The following SMOC2 variants were observed in gnomAD, a reference collection of about 807,000 sequenced individuals.
SMOC2 encodes SPARC-related modular calcium-binding protein 2.
A neutral mutation model predicts 61.4 loss-of-function variants in SMOC2; 39 were observed. That is an observed-to-expected ratio of 0.64 (90% CI 0.49 to 0.83). SMOC2 has a LOEUF of 0.83. Ranked by LOEUF, SMOC2 falls within the 40% of genes least tolerant of loss-of-function variation. The pLI, the probability that SMOC2 is intolerant of heterozygous loss-of-function variation, is 0.00. For missense variants in SMOC2, 556 were observed against 592.9 expected (o/e 0.94, Z 0.65); for synonymous variants, 247 against 239.9 (o/e 1.03, Z -0.27).
At chr6:168,603,723 AAC>A (rs199648573) in intron 8 of SMOC2, among the ~76,000 whole-genome samples, 54,069 of 147,042 alleles carry the variant, frequency 0.37, 10,159 homozygotes, top group Middle Eastern at 0.46. Context: ...AAAAAAAAAA[AAC>A]CAGTAATCCA....
chr6:168,462,405 C>A lies in SMOC2; in HGVS notation c.84+20951C>A, dbSNP rs546735321. Among the ~76,000 whole-genome samples, 184 of 152,170 alleles carry A rather than the reference C, an allele frequency of 1.2e-3. 1 individual carries two copies. The highest frequency in any genetic ancestry group is 2.4e-3 in the Non-Finnish European group (163 of 68,038). Reference sequence around the variant, plus strand: ...TGTTGAATTATCGTTTCCCGGCATCCTGCTGGGGCTCGGCCTCCCTATCTT... The same window carrying A: ...TGTTGAATTATCGTTTCCCGGCATCATGCTGGGGCTCGGCCTCCCTATCTT... On this transcript the variant is annotated intron_variant, in intron 1 of 12. Transcript: ENST00000356284.
Position 168,460,739 on chromosome 6 carries a change from A to G in SMOC2, c.84+19285A>G, listed in dbSNP as rs189388408. ...TGAAGTTGATCATGATCTCTGTATCAACCCTCAAAGTATCTTACATCCATT... is the reference window on the plus strand; with the variant it reads ...TGAAGTTGATCATGATCTCTGTATCGACCCTCAAAGTATCTTACATCCATT... On this transcript the variant is annotated intron_variant, in intron 1 of 12. Coordinates refer to ENST00000356284, the MANE Select transcript of SMOC2 (RefSeq NM_001166412.2). Among the ~76,000 whole-genome samples the G allele has an allele frequency of 3.5e-4, 54 of 152,372 alleles. No individual in the cohort carries two copies. The East Asian group carries it at 9.4e-3, about 27-fold the overall frequency.
At chr6:168,466,918 G>T (rs1262659063) in intron 1 of SMOC2, among the ~76,000 whole-genome samples, 1 of 152,210 alleles carries the variant, frequency 6.6e-6, no homozygotes, top group Admixed American at 6.5e-5. Context: ...AAAGGGAGCT[G>T]TGTCTTCCGT....
At chr6:168,564,773 C>T (rs1232562262) in intron 7 of SMOC2, among the ~76,000 whole-genome samples, 1 of 152,226 alleles carries the variant, frequency 6.6e-6, no homozygotes, top group Non-Finnish European at 1.5e-5. Flanking sequence ...TGATGACGGG[C>T]AGCCGCTGCC....
At chr6:168,634,140 T>A (rs1786650355) in intron 9 of SMOC2, among the ~76,000 whole-genome samples, 1 of 152,234 alleles carries the variant, frequency 6.6e-6, no homozygotes, top group South Asian at 2.1e-4. Flanking sequence ...GGGGATGTCT[T>A]TATTTAGCAG....
chr6:168,513,187 T>C (rs901344272), intron 2 of SMOC2, among the ~76,000 whole-genome samples: 8 of 152,180 alleles, frequency 5.3e-5, no homozygotes, highest in African/African-American at 1.2e-4. Flanking sequence ...GTAGGGAAAA[T>C]AGAATATACC....
chr6:168,543,782 C>T (rs541860880), intron 5 of SMOC2, 110 bp downstream of exon 5: 1,046 of 1,007,392 alleles, frequency 1.0e-3, no homozygotes, highest in Non-Finnish European at 1.4e-3. Context: ...TGATGAGAGC[C>T]GAACCAGTTT....
At chr6:168,562,538 G>A (rs1784445101) in intron 7 of SMOC2, among the ~76,000 whole-genome samples, 6 of 151,898 alleles carry the variant, frequency 4.0e-5, no homozygotes, top group Non-Finnish European at 8.8e-5. Flanking sequence ...CTCACTTTGG[G>A]GGTGAGGAGG....
intron 1 of SMOC2, among the ~76,000 whole-genome samples, chr6:168,504,008 G>T (rs934981599): frequency 1.3e-5 from 2 of 152,088 alleles, no homozygotes; most frequent in African/African-American, 4.8e-5. Flanking sequence ...AGTGATGCCA[G>T]CACATTGATT....
chr6:168,486,380 A>T (rs1046863386), intron 1 of SMOC2, among the ~76,000 whole-genome samples: 2 of 151,988 alleles, frequency 1.3e-5, no homozygotes, highest in Non-Finnish European at 2.9e-5. Flanking sequence ...GAAGCTTTGC[A>T]CTCCAACATT....
At chr6:168,581,684 C>T (rs55980076) in intron 7 of SMOC2, among the ~76,000 whole-genome samples, 46,788 of 152,152 alleles carry the variant, frequency 0.31, 7,646 homozygotes, top group Middle Eastern at 0.48. Context: ...ATGTCGGATG[C>T]ACCTGTAGAC....
At chr6:168,495,716 G>T (rs1030426860) in intron 1 of SMOC2, among the ~76,000 whole-genome samples, 1 of 152,080 alleles carries the variant, frequency 6.6e-6, no homozygotes. Flanking sequence ...GGCGTGACCC[G>T]GGTCACAGGG....
intron 1 of SMOC2, among the ~76,000 whole-genome samples, chr6:168,493,244 T>C (rs778261122): frequency 2.4e-4 from 37 of 152,154 alleles, no homozygotes; most frequent in Admixed American, 8.5e-4. Context: ...ACCATATTGG[T>C]CAGGCTGGTC....
intron 9 of SMOC2, among the ~76,000 whole-genome samples, chr6:168,614,605 G>A (rs879022564): frequency 0.03 from 1,798 of 59,514 alleles, no homozygotes; most frequent in Middle Eastern, 0.074. Context: ...AGCACAGGGG[G>A]CCTCTTCACA....
At chr6:168,664,186 A>C in intron 12 of SMOC2, 75 bp downstream of exon 12, 2 of 1,187,480 alleles carry the variant, frequency 1.7e-6, no homozygotes, top group Non-Finnish European at 2.5e-6. Flanking sequence ...AGTTATGTAG[A>C]TTTGCAATGG....
intron 7 of SMOC2, among the ~76,000 whole-genome samples, chr6:168,592,001 A>C (rs150368288): frequency 5.9e-4 from 90 of 152,288 alleles, no homozygotes; most frequent in African/African-American, 2.1e-3. Flanking sequence ...AACATAACTT[A>C]TAGTAATATG....
chr6:168,640,075 G>A (rs773308871), intron 9 of SMOC2, among the ~76,000 whole-genome samples: 1 of 152,186 alleles, frequency 6.6e-6, no homozygotes, highest in Non-Finnish European at 1.5e-5. Flanking sequence ...AAGCCTCTGG[G>A]CGACTCACTG....
chr6:168,515,996 A>T (rs1183620722), intron 2 of SMOC2, among the ~76,000 whole-genome samples: 1 of 152,188 alleles, frequency 6.6e-6, no homozygotes, highest in Non-Finnish European at 1.5e-5. Flanking sequence ...GGCGCTGGCT[A>T]GTGTAGCACA....
In SMOC2 at chr6:168,640,463, C is replaced by T. The variant is rs370018770; in HGVS notation, c.908-10218C>T. Among the ~76,000 whole-genome samples, 23 of 152,294 alleles carry T rather than the reference C, an allele frequency of 1.5e-4. No homozygotes were observed. In the East Asian group the frequency reaches 4.4e-3, roughly 29 times the overall value. ...AACCCCAGAGCTCACACTAGACTAACCCCTCTGCAGTGGTAGCGTTGCTGA... is the reference window on the plus strand; with the variant it reads ...AACCCCAGAGCTCACACTAGACTAATCCCTCTGCAGTGGTAGCGTTGCTGA... On this transcript the variant is annotated intron_variant, in intron 9 of 12. Transcript: ENST00000356284.
Sources: allele counts gnomAD v4.1 joint callset (sites outside exome capture counted in the v4.1 genomes callset), GRCh38; gene constraint gnomAD v4.1.1; transcripts MANE v1.5; gene names NCBI Gene and HGNC (gene_info 2026-07-23, HGNC 2026-07-21).